Variants in MTCL1 observed in about 807,000 individuals in gnomAD.
MTCL1 encodes microtubule cross-linking factor 1.
MTCL1 carries 79 observed loss-of-function variants against 141.4 expected under a neutral mutation model. The ratio of observed to expected loss-of-function variants is 0.56; its 90% CI spans 0.47 to 0.67. MTCL1 has a LOEUF of 0.67. MTCL1 is among the 30% of genes least tolerant of loss of function. The pLI, the probability that MTCL1 is intolerant of heterozygous loss-of-function variation, is 0.00. For synonymous variants in MTCL1, 914 were observed against 875.8 expected, an observed-to-expected ratio of 1.04 and a Z score of -0.77; for missense variants, 2,177 against 2,113.9, an observed-to-expected ratio of 1.03 and a Z score of -0.59.
chr18:8,779,399 C>T lies in MTCL1; in HGVS notation c.417+1507C>T, dbSNP rs2096525132. Among the ~76,000 whole-genome samples the T allele has an allele frequency of 6.6e-6, 1 of 152,162 alleles. No homozygotes were observed. Among genetic ancestry groups the T allele is most frequent in the African/African-American group, 2.4e-5 (1 of 41,434 alleles). ...GAAATGATATGCTTCAGTTTAGACT[C>T]GGCCTTGAACCCCCGCCTCCGCTAG... On this transcript the variant is annotated intron_variant, in intron 5 of 16. Coordinates refer to ENST00000359865, the Ensembl canonical transcript of MTCL1. This position sits in a 1 kb window ranked among gnomAD's most constrained non-coding sequence, Gnocchi z 4.1.
chr18:8,821,735 AGTT>A (rs564416960), intron 14 of MTCL1, among the ~76,000 whole-genome samples: 9 of 152,284 alleles, frequency 5.9e-5, no homozygotes, highest in South Asian at 2.1e-4. Context: ...AGGACTTTCC[AGTT>A]GTTGTTGTGT....
At chr18:8,773,358 T>G (rs936995220) in intron 4 of MTCL1, among the ~76,000 whole-genome samples, 3 of 152,160 alleles carry the variant, frequency 2.0e-5, no homozygotes, top group African/African-American at 7.2e-5. Context: ...TCTATAAATG[T>G]CTAAGTGAAA....
chr18:8,769,117 GAC>G lies in MTCL1; in HGVS notation c.358-8712_358-8711del, dbSNP rs2096473738. ...GCCAGGAACAGAATATTTTCTAAAA[GAC>G]ACAGCCTTATATTCAGTCTGACAGG... On this transcript the variant is annotated intron_variant, in intron 4 of 16. Coordinates refer to ENST00000359865, the Ensembl canonical transcript of MTCL1. 4.6e-5 allele frequency among the ~76,000 whole-genome samples: 7 copies of G among 152,270 alleles called. 1 individual carries two copies. In the South Asian group the frequency reaches 1.5e-3, roughly 32 times the overall value.
intron 4 of MTCL1, 64 bp downstream of exon 3, chr18:8,720,560 G>GT: frequency 6.6e-7 from 1 of 1,512,410 alleles, no homozygotes; most frequent in East Asian, 2.3e-5. Flanking sequence ...GGAACTCCAA[G>GT]TGCCCCCTTC....
chr18:8,734,024 A>G (rs2096264089), intron 4 of MTCL1, among the ~76,000 whole-genome samples: 1 of 152,176 alleles, frequency 6.6e-6, no homozygotes, highest in African/African-American at 2.4e-5. Flanking sequence ...CCCAGTTGTC[A>G]TCTAACCCTC....
exon 15 of MTCL1, chr18:8,825,256 A>G: frequency 1.9e-6 from 3 of 1,588,674 alleles, no homozygotes; most frequent in South Asian, 1.2e-5. Flanking sequence ...TCCCGGGACT[A>G]TGTGGAGGGG....
chr18:8,767,436 G>A (rs2096464682), intron 4 of MTCL1, among the ~76,000 whole-genome samples: 3 of 152,160 alleles, frequency 2.0e-5, no homozygotes, highest in Admixed American at 6.5e-5. Flanking sequence ...GAGTCTCTTG[G>A]ATAGGAAGCC....
At chr18:8,800,548 C>T (rs1334796416) in intron 10 of MTCL1, 1 of 152,230 alleles carries the variant, frequency 6.6e-6, no homozygotes, top group East Asian at 1.9e-4. Flanking sequence ...TCTTCAGCCA[C>T]GTGAGCTCGC....
intron 1 of MTCL1, chr18:8,717,637 T>G (rs1227418730): frequency 1.3e-5 from 2 of 152,638 alleles, no homozygotes; most frequent in Non-Finnish European, 2.9e-5. Context: ...TCCACTTACA[T>G]CTGTGTGTGG....
upstream of MTCL1, among the ~76,000 whole-genome samples, chr18:8,716,475 A>G (rs947106624): frequency 1.3e-4 from 19 of 146,948 alleles, no homozygotes; most frequent in African/African-American, 4.8e-4. Flanking sequence ...GCCAACCCTT[A>G]TTTTTCCATA....
chr18:8,801,248 A>C (rs2076111813), intron 10 of MTCL1, among the ~76,000 whole-genome samples: 1 of 151,532 alleles, frequency 6.6e-6, no homozygotes, highest in South Asian at 2.1e-4. Flanking sequence ...GCCCAAGATG[A>C]AAAACTTCCA....
At chr18:8,796,848 C>T (rs546346243) in intron 9 of MTCL1, among the ~76,000 whole-genome samples, 14 of 152,166 alleles carry the variant, frequency 9.2e-5, no homozygotes, top group Non-Finnish European at 1.9e-4. Flanking sequence ...GAGGCAGGTG[C>T]TGTTGGTTGC....
At chr18:8,776,857 A>G (rs548568539) in intron 4 of MTCL1, among the ~76,000 whole-genome samples, 1 of 152,122 alleles carries the variant, frequency 6.6e-6, no homozygotes, top group South Asian at 2.1e-4. Flanking sequence ...GAACTCCTGG[A>G]CTCAAACAAT....
At chr18:8,731,977 G>A (rs1189173011) in intron 4 of MTCL1, among the ~76,000 whole-genome samples, 1 of 152,234 alleles carries the variant, frequency 6.6e-6, no homozygotes, top group Non-Finnish European at 1.5e-5. Flanking sequence ...CCAAAGTGCT[G>A]GGATTACAGG....
Position 8,709,949 on chromosome 18 carries a change from C to T in MTCL1, c.1053+3236C>T, listed in dbSNP as rs544868890. Among the ~76,000 whole-genome samples the T allele has an allele frequency of 2.6e-3, 391 of 152,280 alleles. 13 individuals carry two copies. Among genetic ancestry groups the T allele is most frequent in the Admixed American group, 0.025 (390 of 15,304 alleles). On this transcript the variant is annotated intron_variant, in intron 1 of 13. Coordinates refer to the MTCL1 transcript ENST00000306329. ...CCGCCTCCCAGATTCAAGCAGTTCTCCTGCCTCAGCCTCCGGAGTAGCTGG... is the reference window on the plus strand; with the variant it reads ...CCGCCTCCCAGATTCAAGCAGTTCTTCTGCCTCAGCCTCCGGAGTAGCTGG...
exon 6 of MTCL1, chr18:8,784,065 G>T (rs1417361876): frequency 2.5e-6 from 4 of 1,613,406 alleles, no homozygotes; most frequent in Non-Finnish European, 3.4e-6. Flanking sequence ...CGGGAGCCGG[G>T]CTGGCTAGGA....
chr18:8,779,581 C>T lies in MTCL1; in HGVS notation c.417+1689C>T, dbSNP rs568192495. The stretch of plus-strand genomic sequence containing the variant: ...GCTCAGCTTCCCTCAGGCCGCCCCT[C>T]TCCTGTACACAACACCCGGCAGGTG... On this transcript the variant is annotated intron_variant, in intron 5 of 16. Transcript: ENST00000359865. The surrounding 1 kb of genome is among the most constrained non-coding windows in gnomAD (Gnocchi z 4.1). Among the ~76,000 whole-genome samples, 9 of 152,306 alleles carry T rather than the reference C, an allele frequency of 5.9e-5. No homozygotes were observed. The South Asian group carries it at 1.9e-3, about 32-fold the overall frequency.
chr18:8,789,547 A>G, intron 7 of MTCL1: 1 of 985,444 alleles, frequency 1.0e-6, no homozygotes, highest in South Asian at 4.7e-5. Flanking sequence ...TGTGGGATGC[A>G]GCTCTATTGG....
intron 8 of MTCL1, among the ~76,000 whole-genome samples, chr18:8,795,324 G>A (rs1027892281): frequency 6.6e-6 from 1 of 152,160 alleles, no homozygotes; most frequent in Non-Finnish European, 1.5e-5. Context: ...TGTTAAGAGA[G>A]GACAGCTGAT....
Sources: allele counts gnomAD v4.1 joint callset (sites outside exome capture counted in the v4.1 genomes callset), GRCh38; gene constraint gnomAD v4.1.1; non-coding constraint Gnocchi (gnomAD v3.1); transcripts MANE v1.5; gene names NCBI Gene and HGNC (gene_info 2026-07-23, HGNC 2026-07-21).